Variants in CPZ observed in about 807,000 individuals in gnomAD.
CPZ encodes carboxypeptidase Z.
CPZ carries 103 observed loss-of-function variants against 61.8 expected under a neutral mutation model. The observed-to-expected ratio is 1.67, with a 90% CI of 1.42 to 1.96. The LOEUF (loss-of-function observed/expected upper bound fraction) is 1.96, where lower values mean the gene tolerates loss of function less well. Ranked by LOEUF, CPZ falls within the 30% of genes most tolerant of loss-of-function variation. CPZ has a pLI of 0.00. For synonymous variants in CPZ, 551 were observed against 373.7 expected (o/e 1.47, Z -5.47); for missense variants, 1,461 against 914.9 (o/e 1.60, Z -7.70).
intron 9 of CPZ, among the ~76,000 whole-genome samples, chr4:8,617,438 C>G (rs560652457): frequency 2.6e-5 from 4 of 152,248 alleles, no homozygotes; most frequent in African/African-American, 7.2e-5. Flanking sequence ...CCTGTGGGCC[C>G]AGGCTCTTTG....
intron 7 of CPZ, chr4:8,611,395 G>T (rs994515964): frequency 7.0e-6 from 3 of 425,740 alleles, no homozygotes; most frequent in Non-Finnish European, 9.7e-6. Flanking sequence ...GAGGGACCCA[G>T]GATCCCAGCC....
intron 7 of CPZ, among the ~76,000 whole-genome samples, chr4:8,607,907 A>C (rs1715179865): frequency 6.6e-6 from 1 of 151,862 alleles, no homozygotes. Flanking sequence ...TTCTGGTCCC[A>C]CCGTCCACTG....
chr4:8,607,346 A>C lies in CPZ; in HGVS notation c.1148A>C (p.Asp383Ala), dbSNP rs1206228537. 6.2e-7 allele frequency: 1 copy of C among 1,614,072 alleles called. No homozygotes were observed. ...FVLSASLHGG[D>A]LVVSYPFDFS... ...CTCTCAGCCAGCCTTCATGGGGGCG[A>C]CCTGGTGGTGTCCTACCCCTTCGAC... is the stretch of plus-strand genomic sequence containing the variant. The change falls in exon 7 of 11, where the codon GAC becomes GCC. Residue 383 changes from aspartate to alanine, a missense_variant. Asp to Ala is a moderately radical substitution (Grantham distance 126). Coordinates refer to ENST00000360986, the MANE Select transcript of CPZ (RefSeq NM_001014447.3).
At chr4:8,612,205 G>GGGGGGGGGGGGGGC in intron 8 of CPZ, 43 bp downstream of exon 8, 8 of 202,838 alleles carry the variant, frequency 3.9e-5, no homozygotes, top group Non-Finnish European at 6.7e-5. Context: ...GGTGGGGGGT[G>GGGGGGGGGGGGGGC]CAGGGGCTGG....
rs201930593 is a variant in CPZ at position 8,619,520 on chromosome 4, C to T, written c.1862C>T (p.Ala621Val). The T allele has an allele frequency of 2.6e-5, 41 of 1,594,002 alleles. No individual in the cohort carries two copies. The highest frequency in any genetic ancestry group is 3.4e-4 in the Middle Eastern group (2 of 5,930). ...GEATEPDPLR[A>V]RRQPSADGSK... ...GCCACGGAGCCCGACCCGCTCCGGG[C>T]GCGCAGGCAGCCCTCGGCCGACGGG... Residue 621 changes from alanine to valine, a missense_variant, in exon 11 of 11, where the codon GCG (alanine) becomes GTG (valine). Transcript: ENST00000360986.
At chr4:8,598,793 C>G (rs1714364807) in intron 1 of CPZ, among the ~76,000 whole-genome samples, 1 of 152,248 alleles carries the variant, frequency 6.6e-6, no homozygotes, top group Admixed American at 6.5e-5. Flanking sequence ...AGAGGCCTTA[C>G]TGTTGGGTTC....
Position 8,601,107 on chromosome 4 carries a change from G to C in CPZ, c.122-16G>C, listed in dbSNP as rs368771765. ...CCACTGCAGGAGGGACTGACCTGCC[G>C]ACCCTGCCTCCCCAGCCACCTGCGT... On this transcript the variant is annotated splice_polypyrimidine_tract_variant and intron_variant, in intron 2 of 10. Coordinates refer to ENST00000360986, the MANE Select transcript of CPZ (RefSeq NM_001014447.3). 6.4e-7 allele frequency: 1 copy of C among 1,554,794 alleles called. No homozygotes were observed. The highest frequency in any genetic ancestry group is 1.4e-5 in the African/African-American group (1 of 73,964).
intron 9 of CPZ, among the ~76,000 whole-genome samples, chr4:8,617,695 G>C (rs770510205): frequency 6.6e-6 from 1 of 152,132 alleles, no homozygotes; most frequent in Non-Finnish European, 1.5e-5. Context: ...CTCGCTGGAC[G>C]GACTCCTCTC....
At chr4:8,618,101 G>A (rs1411537482) in intron 9 of CPZ, 2 of 329,570 alleles carry the variant, frequency 6.1e-6, no homozygotes, top group East Asian at 1.5e-4. Context: ...AGGCAGGGAA[G>A]GAATGCCGAT....
chr4:8,619,262 C>G lies in CPZ; in HGVS notation c.1604C>G (p.Ala535Gly), dbSNP rs762284952. Reference protein sequence around the residue: ...VKGIRHDITTAPDGDYWRLLP... With the variant: ...VKGIRHDITTGPDGDYWRLLP... The stretch of plus-strand genomic sequence containing the variant: ...TCATTTTTAATCTATTTGTCCACAG[C>G]CCCAGATGGTGACTACTGGAGACTG... Residue 535 changes from alanine to glycine, a missense_variant and splice_region_variant, in exon 11 of 11, where the codon GCC becomes GGC. By Grantham distance (60) the Ala-to-Gly change is moderately conservative (BLOSUM62 0). Transcript: ENST00000360986. 51 of 1,607,066 alleles carry G rather than the reference C, an allele frequency of 3.2e-5. No homozygotes were observed. The highest frequency in any genetic ancestry group is 3.3e-4 in the Middle Eastern group (2 of 6,056).
At chr4:8,606,675 T>C (rs948170704) in intron 5 of CPZ, 62 bp from the exon 6 acceptor site, 3 of 1,601,092 alleles carry the variant, frequency 1.9e-6, no homozygotes, top group Non-Finnish European at 2.6e-6. Flanking sequence ...GTGAGACCCA[T>C]CTGGAAGGAG....
At chr4:8,607,733 C>A (rs1715162481) in intron 7 of CPZ, among the ~76,000 whole-genome samples, 1 of 152,184 alleles carries the variant, frequency 6.6e-6, no homozygotes, top group Non-Finnish European at 1.5e-5. Context: ...TTGAGCTCCG[C>A]CCCGCGCCTG....
chr4:8,615,596 C>T (rs577562457), intron 9 of CPZ, among the ~76,000 whole-genome samples: 153 of 152,306 alleles, frequency 1.0e-3, no homozygotes, highest in African/African-American at 3.4e-3. Flanking sequence ...GGGCGGCAGA[C>T]GGGGCCGTCC....
At chr4:8,609,117 C>CATTTACTCATTCA (rs1560297856) in intron 7 of CPZ, among the ~76,000 whole-genome samples, 4 of 39,082 alleles carry the variant, frequency 1.0e-4, no homozygotes, top group East Asian at 1.4e-3. Flanking sequence ...CTTCCTCACT[C>CATTTACTCATTCA]CCTCACTCAT....
At chr4:8,595,272 G>C (rs185895019) in intron 1 of CPZ, among the ~76,000 whole-genome samples, 271 of 152,342 alleles carry the variant, frequency 1.8e-3, no homozygotes, top group Non-Finnish European at 3.1e-3. Context: ...CTGTACTGGA[G>C]ACCATGGCTT....
intron 7 of CPZ, among the ~76,000 whole-genome samples, chr4:8,610,712 T>A (rs1438467147): frequency 1.3e-5 from 2 of 152,198 alleles, no homozygotes; most frequent in Non-Finnish European, 2.9e-5. Flanking sequence ...AGGCCACTCC[T>A]GAGCTGATGC....
In CPZ at chr4:8,606,154, A is replaced by G; in HGVS notation, c.875A>G (p.Asn292Ser). ...CGCATCCACCTGCTGCCCTCCATGA[A>G]CCCTGACGGCTATGAGGTGGCAGCT... ...TTRIHLLPSM[N>S]PDGYEVAAAE... Residue 292 changes from asparagine (N) to serine (S), a missense_variant, in exon 5 of 11, where the codon AAC (asparagine) becomes AGC (serine). Transcript: ENST00000360986. 7 of 1,613,926 alleles carry G rather than the reference A, an allele frequency of 4.3e-6. No individual in the cohort carries two copies. The highest frequency in any genetic ancestry group is 5.1e-6 in the Non-Finnish European group (6 of 1,179,982).
chr4:8,604,247 C>T, intron 4 of CPZ, 59 bp downstream of exon 4: 1 of 1,445,994 alleles, frequency 6.9e-7, no homozygotes, highest in Middle Eastern at 2.5e-4. Context: ...TTGGGCCGCT[C>T]CACCTTCGGG....
At chr4:8,598,451 G>T (rs946267111) in intron 1 of CPZ, among the ~76,000 whole-genome samples, 2 of 152,244 alleles carry the variant, frequency 1.3e-5, no homozygotes, top group African/African-American at 2.4e-5. Context: ...GGCTGGAGGT[G>T]AAGTCACAGC....
Sources: allele counts gnomAD v4.1 joint callset (sites outside exome capture counted in the v4.1 genomes callset), GRCh38; gene constraint gnomAD v4.1.1; transcripts MANE v1.5; gene names NCBI Gene and HGNC (gene_info 2026-07-23, HGNC 2026-07-21).